RSPRY1: variants seen among roughly 807,000 people sequenced by gnomAD.
RSPRY1 encodes the protein ring finger and SPRY domain containing 1.
In RSPRY1, 23 loss-of-function variants were observed where a neutral mutation model predicts 73.1. The observed-to-expected ratio is 0.31, with a 90% confidence interval of 0.23 to 0.45. The LOEUF (loss-of-function observed/expected upper bound fraction) is 0.45, where lower values mean the gene tolerates loss of function less well. Among genes scored for constraint, RSPRY1 ranks in the 20% least tolerant of loss-of-function variants. RSPRY1 has a pLI of 1.00. For missense variants in RSPRY1, 448 were observed against 698.7 expected (o/e 0.64, Z 4.05); for synonymous variants, 226 against 251.4 (o/e 0.90, Z 0.95).
intron 8 of RSPRY1, among the ~76,000 whole-genome samples, chr16:57,219,239 G>C (rs138873673): frequency 0.01 from 1,568 of 152,314 alleles, 31 homozygotes; most frequent in African/African-American, 0.035. Context: ...CCTCCATACT[G>C]TTCTCCATAG....
intron 6 of RSPRY1, among the ~76,000 whole-genome samples, 166 bp downstream of exon 6, chr16:57,214,112 G>A (rs1159251243): frequency 6.6e-6 from 1 of 152,142 alleles, no homozygotes; most frequent in East Asian, 1.9e-4. Context: ...TCCCTCCTAT[G>A]TTTAAAAAAG....
At position 57,230,692 on chromosome 16, in the gene RSPRY1, G is replaced by A. The variant is rs1237442763; in HGVS notation, c.1274-19G>A. 1 of 1,365,270 alleles carries A rather than the reference G, an allele frequency of 7.3e-7. No individual in the cohort carries two copies. The highest frequency in any genetic ancestry group is 1.0e-6 in the Non-Finnish European group (1 of 956,704). 84.6% of individuals were successfully genotyped at this position (1,365,270 alleles called of 1,614,324 possible). The stretch of plus-strand genomic sequence containing the variant: ...TAGTACACATCATTATCCTAACAGT[G>A]TTTCTCTTTATCCTCTAGGAGATAC... On this transcript the variant is annotated intron_variant, in intron 11 of 14. Transcript: ENST00000394420.
intron 1 of RSPRY1, among the ~76,000 whole-genome samples, chr16:57,198,610 C>CT (rs1287662587): frequency 2.0e-5 from 3 of 151,990 alleles, no homozygotes; most frequent in Middle Eastern, 6.8e-3. Flanking sequence ...ATTCTTTTTG[C>CT]TTTTTTTTCC....
intron 5 of RSPRY1, among the ~76,000 whole-genome samples, chr16:57,213,547 A>C (rs2074884952): frequency 6.6e-6 from 1 of 152,228 alleles, no homozygotes; most frequent in Admixed American, 6.5e-5. Flanking sequence ...TTGTTTATGA[A>C]TGTTACCCAT....
chr16:57,212,140 C>G (rs1186670343), intron 4 of RSPRY1, among the ~76,000 whole-genome samples: 2 of 151,956 alleles, frequency 1.3e-5, no homozygotes, highest in Non-Finnish European at 2.9e-5. Flanking sequence ...AATGAGATTC[C>G]CATCTCTACA....
chr16:57,222,674 C>T (rs1170948132), intron 10 of RSPRY1, among the ~76,000 whole-genome samples: 1 of 152,204 alleles, frequency 6.6e-6, no homozygotes, highest in Non-Finnish European at 1.5e-5. Context: ...AGTGGCCTTC[C>T]TATTCTACAA....
intron 2 of RSPRY1, among the ~76,000 whole-genome samples, chr16:57,206,420 C>A (rs573609016): frequency 2.1e-4 from 32 of 151,776 alleles, no homozygotes; most frequent in Non-Finnish European, 4.0e-4. Flanking sequence ...ATTAATTAAT[C>A]AAAAAAAATT....
intron 2 of RSPRY1, chr16:57,207,520 G>A (rs957750319): frequency 3.3e-5 from 15 of 450,860 alleles, no homozygotes; most frequent in Non-Finnish European, 5.4e-5. Context: ...AGAATGTTAA[G>A]TAGTTCCTTA....
chr16:57,200,570 G>A (rs1370908572), intron 1 of RSPRY1, among the ~76,000 whole-genome samples: 4 of 150,958 alleles, frequency 2.6e-5, no homozygotes, highest in African/African-American at 9.7e-5. Context: ...TGGGGCGGCT[G>A]GCCGGGCAGA....
At chr16:57,233,158 G>A (rs1258711791) in intron 13 of RSPRY1, among the ~76,000 whole-genome samples, 1 of 151,918 alleles carries the variant, frequency 6.6e-6, no homozygotes, top group Non-Finnish European at 1.5e-5. Flanking sequence ...CTACTAACTG[G>A]GATTTTATAA....
intron 3 of RSPRY1, 45 bp downstream of exon 3, chr16:57,208,155 A>C (rs770597485): frequency 3.3e-6 from 4 of 1,224,788 alleles, no homozygotes; most frequent in Non-Finnish European, 4.6e-6. Flanking sequence ...AATATATAAT[A>C]ATGAAGAAAA....
intron 13 of RSPRY1, among the ~76,000 whole-genome samples, chr16:57,231,875 A>T (rs571688257): frequency 1.3e-5 from 2 of 152,342 alleles, no homozygotes; most frequent in South Asian, 4.1e-4. Flanking sequence ...AAAATTTTAC[A>T]GCCCTTATTT....
At chr16:57,217,265 C>T (rs1051646703) in intron 8 of RSPRY1, among the ~76,000 whole-genome samples, 14 of 152,194 alleles carry the variant, frequency 9.2e-5, no homozygotes, top group Admixed American at 2.6e-4. Context: ...TTTACTGGCA[C>T]CCAGTTTCCT....
intron 10 of RSPRY1, among the ~76,000 whole-genome samples, chr16:57,221,829 T>A (rs1385126834): frequency 6.6e-6 from 1 of 152,240 alleles, no homozygotes; most frequent in Non-Finnish European, 1.5e-5. Context: ...CTTGACTTCT[T>A]TCACTTGACT....
intron 1 of RSPRY1, among the ~76,000 whole-genome samples, chr16:57,199,244 C>T (rs2074511896): frequency 1.3e-5 from 2 of 152,158 alleles, no homozygotes; most frequent in Admixed American, 1.3e-4. Context: ...CCTGTAATCC[C>T]AGCACTTTGG....
chr16:57,207,944 A>G (rs1451347324), intron 2 of RSPRY1, 114 bp from the exon 3 acceptor site: 2 of 694,280 alleles, frequency 2.9e-6, no homozygotes, highest in African/African-American at 3.6e-5. Context: ...CTTTCCTTAC[A>G]TTTGTGTTCA....
At chr16:57,230,600 A>G (rs920701499) in intron 11 of RSPRY1, 111 bp from the exon 12 acceptor site, 2 of 575,670 alleles carry the variant, frequency 3.5e-6, no homozygotes, top group East Asian at 5.6e-5. Context: ...TGTTGAATGC[A>G]TAGCTAAAGA....
In RSPRY1 at chr16:57,220,794, C is replaced by T. The variant is rs2075022241; in HGVS notation, c.964C>T (p.Leu322=). The T allele has an allele frequency of 6.2e-7, 1 of 1,613,842 alleles. No individual in the cohort carries two copies. Among genetic ancestry groups the T allele is most frequent in the African/African-American group, 1.3e-5 (1 of 74,920 alleles). The part of the protein sequence containing the change: ...KVNLSSIRAM[L]NSNDVSEYLK... Reference sequence around the variant, plus strand: ...GAACTTGAGTAGCATTAGGGCCATGCTGAATAGCAATGATGTCAGCGAGTA... The same window carrying T: ...GAACTTGAGTAGCATTAGGGCCATGTTGAATAGCAATGATGTCAGCGAGTA... The change falls in exon 9 of 15, where the codon CTG becomes TTG. Residue 322 remains leucine, a synonymous_variant. Transcript: ENST00000394420.
At position 57,216,190 on chromosome 16, in the gene RSPRY1, C is replaced by A. The variant is rs775768863; in HGVS notation, c.769+17C>A. 1 of 1,569,226 alleles carries A rather than the reference C, an allele frequency of 6.4e-7. No homozygotes were observed. Among genetic ancestry groups the A allele is most frequent in the African/African-American group, 1.4e-5 (1 of 73,692 alleles). ...CACAGACAAGTAGGTATAGTGACTTCTTGCACTAATGATCTTCTGTATTGG... is the reference window on the plus strand; with the variant it reads ...CACAGACAAGTAGGTATAGTGACTTATTGCACTAATGATCTTCTGTATTGG... On this transcript the variant is annotated intron_variant, in intron 7 of 14. Transcript: ENST00000394420.
Sources: allele counts gnomAD v4.1 joint callset (sites outside exome capture counted in the v4.1 genomes callset), GRCh38; gene constraint gnomAD v4.1.1; transcripts MANE v1.5; gene names NCBI Gene and HGNC (gene_info 2026-07-23, HGNC 2026-07-21).